IGSF10: variants seen among roughly 807,000 people sequenced by gnomAD.
IGSF10 encodes calvaria mechanical force protein 608.
IGSF10 carries 126 observed loss-of-function variants against 128.2 expected under a neutral mutation model. That is an observed-to-expected ratio of 0.98 (90% confidence interval 0.85 to 1.14). IGSF10 has a LOEUF of 1.14. Ranked by LOEUF, IGSF10 falls within the 50% of genes most tolerant of loss-of-function variation. IGSF10 has a pLI of 0.00. For missense variants in IGSF10, 3,295 were observed against 3,149.8 expected, an observed-to-expected ratio of 1.05 and a Z score of -1.10; for synonymous variants, 1,185 against 1,146.2, an observed-to-expected ratio of 1.03 and a Z score of -0.68.
the IGSF10 span, among the ~76,000 whole-genome samples, chr3:151,545,356 A>C: frequency 5.3e-5 from 8 of 152,228 alleles, no homozygotes; most frequent in Non-Finnish European, 8.8e-5. Context: ...TGCTCTTCTC[A>C]TGTAGGAGAT....
chr3:151,539,596 GA>G, the IGSF10 span, among the ~76,000 whole-genome samples: 1 of 152,020 alleles, frequency 6.6e-6, no homozygotes, highest in African/African-American at 2.4e-5. Flanking sequence ...TGGAGATGCA[GA>G]AAAAAATGTG....
chr3:151,616,165 T>C, the IGSF10 span, among the ~76,000 whole-genome samples: 1 of 152,100 alleles, frequency 6.6e-6, no homozygotes, highest in Non-Finnish European at 1.5e-5. Flanking sequence ...GGTTTCTCCA[T>C]GTTGGTCAGG....
the IGSF10 span, among the ~76,000 whole-genome samples, chr3:151,500,715 G>A: frequency 6.6e-6 from 1 of 152,204 alleles, no homozygotes; most frequent in South Asian, 2.1e-4. Flanking sequence ...ATTTCTCACC[G>A]ATATTACTTG....
chr3:151,436,199 C>CTTATT (rs892633459), downstream of IGSF10: 16 of 153,738 alleles, frequency 1.0e-4, no homozygotes, highest in Non-Finnish European at 2.9e-5. Context: ...CAGTTCAGTG[C>CTTATT]TTATTTTCTG....
At chr3:151,460,070 AT>A (rs1265047998) in intron 2 of IGSF10, among the ~76,000 whole-genome samples, 190 bp downstream of exon 2, 2 of 152,226 alleles carry the variant, frequency 1.3e-5, no homozygotes, top group Non-Finnish European at 2.9e-5. Context: ...TTTCCACCTT[AT>A]CATTAGATAA....
At chr3:151,619,733 T>A in the IGSF10 span, among the ~76,000 whole-genome samples, 1 of 152,040 alleles carries the variant, frequency 6.6e-6, no homozygotes, top group Non-Finnish European at 1.5e-5. Context: ...TGGGAGGTGA[T>A]TGGGTTATTG....
chr3:151,617,414 G>C, the IGSF10 span, among the ~76,000 whole-genome samples: 2 of 148,986 alleles, frequency 1.3e-5, no homozygotes, highest in Admixed American at 6.7e-5. Flanking sequence ...TTTTGTTGGG[G>C]GGATGGCTAT....
chr3:151,440,703 A>C (rs1461961529), intron 7 of IGSF10: 1 of 382,342 alleles, frequency 2.6e-6, no homozygotes, highest in African/African-American at 2.8e-5. Flanking sequence ...TGGAGTTTAA[A>C]ATAATAATGA....
the IGSF10 span, among the ~76,000 whole-genome samples, chr3:151,588,982 GTAT>G: frequency 3.3e-5 from 5 of 151,956 alleles, no homozygotes. Context: ...TAAAGAAGAA[GTAT>G]TATAGCAATA....
chr3:151,487,814 T>A, the IGSF10 span, among the ~76,000 whole-genome samples: 1 of 152,174 alleles, frequency 6.6e-6, no homozygotes, highest in Non-Finnish European at 1.5e-5. Context: ...AAACTAGGCA[T>A]TGATGGAACG....
the IGSF10 span, among the ~76,000 whole-genome samples, chr3:151,477,080 T>C: frequency 1.3e-5 from 2 of 152,216 alleles, no homozygotes; most frequent in African/African-American, 4.8e-5. Flanking sequence ...ACGTTGGTTG[T>C]AAGAATTTTG....
At position 151,437,878 on chromosome 3, in the gene IGSF10, A is replaced by T. The variant is rs1470842053; in HGVS notation, c.6683T>A (p.Leu2228Gln). Residue 2228 changes from leucine (L) to glutamine (Q), a missense_variant, in exon 8 of 8, where the codon CTG (leucine) becomes CAG (glutamine). Physicochemically the swap from Leu to Gln is moderately radical, Grantham distance 113. Coordinates refer to ENST00000282466, the MANE Select transcript of IGSF10 (RefSeq NM_178822.5). ...PSGDDTKMYK[L>Q]DVVSKPPLIN... Reference sequence around the variant, plus strand: ...TAATGGAGGTTTAGAGACCACATCCAGTTTGTACATTTTGGTGTCATCCCC... The same window carrying T: ...TAATGGAGGTTTAGAGACCACATCCTGTTTGTACATTTTGGTGTCATCCCC... 1 of 1,614,006 alleles carries T rather than the reference A, an allele frequency of 6.2e-7. No homozygotes were observed. Among genetic ancestry groups the T allele is most frequent in the African/African-American group, 1.3e-5 (1 of 74,936 alleles).
chr3:151,436,933 C>T lies in IGSF10; in HGVS notation c.7628G>A (p.Gly2543Glu). The T allele has an allele frequency of 6.2e-7, 1 of 1,614,140 alleles. No individual in the cohort carries two copies. Among genetic ancestry groups the T allele is most frequent in the Non-Finnish European group, 8.5e-7 (1 of 1,180,006 alleles). ...RPPRSIVTRT[G>E]AAFQLHCVAL... Reference sequence around the variant, plus strand: ...CACACAGTGGAGCTGAAAGGCTGCCCCTGTCCTGGTGACAATACTCCTGGG... The same window carrying T: ...CACACAGTGGAGCTGAAAGGCTGCCTCTGTCCTGGTGACAATACTCCTGGG... Residue 2543 changes from glycine (G) to glutamate (E), a missense_variant, in exon 8 of 8, where the codon GGG becomes GAG. Physicochemically the swap from Gly to Glu is moderately conservative, Grantham distance 98. Transcript: ENST00000282466.
the IGSF10 span, among the ~76,000 whole-genome samples, chr3:151,560,901 C>G: frequency 6.6e-6 from 1 of 152,162 alleles, no homozygotes; most frequent in Non-Finnish European, 1.5e-5. Flanking sequence ...CTTGACCAAA[C>G]ATAATTTTAA....
the IGSF10 span, among the ~76,000 whole-genome samples, chr3:151,511,756 G>A: frequency 6.6e-6 from 1 of 152,102 alleles, no homozygotes; most frequent in African/African-American, 2.4e-5. Flanking sequence ...TCAAAATAAA[G>A]GGATGGAGGA....
the IGSF10 span, among the ~76,000 whole-genome samples, chr3:151,567,220 T>C: frequency 7.9e-5 from 12 of 152,218 alleles, no homozygotes; most frequent in African/African-American, 2.2e-4. Flanking sequence ...GTTCCCTGGA[T>C]CTCAGCTCCT....
At chr3:151,547,454 A>ACACACACAC in the IGSF10 span, among the ~76,000 whole-genome samples, 1 of 151,638 alleles carries the variant, frequency 6.6e-6, no homozygotes, top group African/African-American at 2.4e-5. Context: ...ACACACACAC[A>ACACACACAC]CACACGTTAT....
At chr3:151,594,588 TG>T in the IGSF10 span, among the ~76,000 whole-genome samples, 1 of 151,086 alleles carries the variant, frequency 6.6e-6, no homozygotes, top group East Asian at 1.9e-4. Flanking sequence ...CCCAAAGTGC[TG>T]GGGATTACAG....
the IGSF10 span, among the ~76,000 whole-genome samples, chr3:151,572,697 G>GT: frequency 5.2e-3 from 786 of 152,072 alleles, 7 homozygotes; most frequent in African/African-American, 0.018. Flanking sequence ...TTTTTGAAGG[G>GT]TTTTTTTGTG....
Sources: gnomAD v4.1 joint callset for allele counts (sites outside exome capture counted in the v4.1 genomes callset) on GRCh38, gnomAD v4.1.1 for gene constraint, MANE v1.5 for transcripts, NCBI Gene and HGNC (gene_info 2026-07-23, HGNC 2026-07-21) for gene names.